SRRM4: variants seen among roughly 807,000 people sequenced by gnomAD.
The protein encoded by SRRM4 is serine/arginine repetitive matrix protein 4.
In SRRM4, 33 loss-of-function variants were observed where a neutral mutation model predicts 68.9. The observed-to-expected ratio is 0.48, with a 90% CI of 0.36 to 0.64. The LOEUF is 0.64. Among genes scored for constraint, SRRM4 ranks in the 30% least tolerant of loss-of-function variants. The probability of loss-of-function intolerance (pLI) is 0.00; values close to 1 mark genes in which losing one functional copy is unlikely to be tolerated. For synonymous variants in SRRM4, 318 were observed against 318.8 expected, an observed-to-expected ratio of 1.00 and a Z score of 0.03; for missense variants, 817 against 827.1, an observed-to-expected ratio of 0.99 and a Z score of 0.15.
chr12:119,084,994 G>A (rs1386540843), intron 1 of SRRM4, among the ~76,000 whole-genome samples: 1 of 152,208 alleles, frequency 6.6e-6, no homozygotes, highest in Non-Finnish European at 1.5e-5. Flanking sequence ...TTCGCCTCCT[G>A]GGTTCAAGCG....
chr12:119,057,166 G>T (rs1490898374), intron 1 of SRRM4, among the ~76,000 whole-genome samples: 3 of 152,174 alleles, frequency 2.0e-5, no homozygotes, highest in Non-Finnish European at 4.4e-5. Flanking sequence ...GGTGAAGAAA[G>T]AAATAGTTGG....
chr12:119,143,833 C>G (rs76095918), intron 8 of SRRM4, among the ~76,000 whole-genome samples: 1 of 152,148 alleles, frequency 6.6e-6, no homozygotes, highest in East Asian at 1.9e-4. Flanking sequence ...GTGGTTAAGG[C>G]GGGCAGCAGT....
chr12:119,018,251 C>T (rs879358272), intron 1 of SRRM4, among the ~76,000 whole-genome samples: 10 of 152,100 alleles, frequency 6.6e-5, no homozygotes, highest in Non-Finnish European at 1.3e-4. Context: ...GATTCTGAAA[C>T]GAGTAGGTGA....
chr12:119,011,712 G>C (rs1045863623), intron 1 of SRRM4, among the ~76,000 whole-genome samples: 3 of 152,230 alleles, frequency 2.0e-5, no homozygotes, highest in Non-Finnish European at 4.4e-5. Flanking sequence ...ACAGTGAAAG[G>C]AGGAGCATGT....
chr12:119,131,176 G>A lies in SRRM4; in HGVS notation c.771+342G>A, dbSNP rs544143592. 2.6e-5 allele frequency among the ~76,000 whole-genome samples: 4 copies of A among 152,320 alleles called. No homozygotes were observed. The South Asian group carries it at 8.3e-4, about 32-fold the overall frequency. ...TGTTTGTTTGTTTGTTTTTGGGAGAGAAAGGAAAAGAAGGGCTCTTTGACA... is the reference window on the plus strand; with the variant it reads ...TGTTTGTTTGTTTGTTTTTGGGAGAAAAAGGAAAAGAAGGGCTCTTTGACA... On this transcript the variant is annotated intron_variant, in intron 8 of 12. Transcript: ENST00000267260.
intron 1 of SRRM4, among the ~76,000 whole-genome samples, chr12:119,051,708 CAA>C (rs1953743632): frequency 6.6e-6 from 1 of 152,194 alleles, no homozygotes; most frequent in Admixed American, 6.5e-5. Flanking sequence ...CCTGCAGCAA[CAA>C]AGTCTGGTTT....
chr12:119,116,183 C>T (rs1042056146), intron 3 of SRRM4, among the ~76,000 whole-genome samples: 16 of 152,062 alleles, frequency 1.1e-4, no homozygotes, highest in African/African-American at 3.9e-4. Flanking sequence ...CTTTTGTCAG[C>T]GGGGAAATAA....
chr12:119,114,068 G>A (rs773517384), intron 2 of SRRM4: 8 of 439,704 alleles, frequency 1.8e-5, no homozygotes, highest in Admixed American at 6.6e-5. Context: ...TTTGGGTAAC[G>A]TACAACGTCT....
chr12:119,065,593 G>A (rs933677293), intron 1 of SRRM4, among the ~76,000 whole-genome samples: 5 of 152,094 alleles, frequency 3.3e-5, no homozygotes, highest in South Asian at 2.1e-4. Context: ...AAATTAGCCC[G>A]GCGTGGTGGC....
intron 1 of SRRM4, among the ~76,000 whole-genome samples, chr12:119,043,450 T>G (rs969533593): frequency 1.3e-5 from 2 of 152,162 alleles, no homozygotes; most frequent in Admixed American, 6.5e-5. Flanking sequence ...GCTTAATACC[T>G]AGGTGATGAG....
chr12:118,999,928 T>G (rs1402199792), intron 1 of SRRM4, among the ~76,000 whole-genome samples: 1 of 152,242 alleles, frequency 6.6e-6, no homozygotes, highest in Admixed American at 6.5e-5. Flanking sequence ...AGGCACTAAG[T>G]AGAAGAAGTA....
At chr12:119,086,547 T>C (rs79619930) in intron 1 of SRRM4, among the ~76,000 whole-genome samples, 11 of 152,156 alleles carry the variant, frequency 7.2e-5, no homozygotes, top group Non-Finnish European at 2.9e-5. Flanking sequence ...ACCAGAGTGG[T>C]TGATGTTTTG....
chr12:119,151,032 G>A lies in SRRM4; in HGVS notation c.1092G>A (p.Pro364=), dbSNP rs148793411. The part of the protein sequence containing the change: ...RGRESRGFQS[P]CLECAEVKKS... ...CCACCTGCAGGGGATTTCAGTCACCGTGTCTGGAATGTGCCGAAGTGAAGA... is the reference window on the plus strand; with the variant it reads ...CCACCTGCAGGGGATTTCAGTCACCATGTCTGGAATGTGCCGAAGTGAAGA... The change falls in exon 10 of 13, where the codon CCG becomes CCA. Residue 364 remains proline, a synonymous_variant. Coordinates refer to ENST00000267260, the MANE Select transcript of SRRM4 (RefSeq NM_194286.4). 1,591 of 1,613,974 alleles carry A rather than the reference G, an allele frequency of 9.9e-4. 16 individuals are homozygous for A. The East Asian group carries it at 0.018, about 19-fold the overall frequency.
intron 4 of SRRM4, among the ~76,000 whole-genome samples, chr12:119,119,257 A>T (rs552805913): frequency 3.3e-5 from 5 of 152,140 alleles, no homozygotes; most frequent in African/African-American, 7.2e-5. Flanking sequence ...TAAAATTTTT[A>T]AAAAATGATT....
intron 1 of SRRM4, among the ~76,000 whole-genome samples, chr12:119,013,058 T>C (rs1170018584): frequency 6.6e-6 from 1 of 152,182 alleles, no homozygotes; most frequent in Non-Finnish European, 1.5e-5. Context: ...TCTCCAGATA[T>C]GCCTTCACAG....
At chr12:119,020,127 C>T (rs968796600) in intron 1 of SRRM4, among the ~76,000 whole-genome samples, 2 of 151,928 alleles carry the variant, frequency 1.3e-5, no homozygotes, top group Non-Finnish European at 2.9e-5. Context: ...CATCCTCGTG[C>T]GCATCAAAAA....
rs1488557016 is a variant in SRRM4, at chr12:118,990,973, T to C, written c.131+8960T>C. Among the ~76,000 whole-genome samples, 4 of 152,164 alleles carry C rather than the reference T, an allele frequency of 2.6e-5. No individual in the cohort carries two copies. The East Asian group carries it at 7.7e-4, about 29-fold the overall frequency. On this transcript the variant is annotated intron_variant, in intron 1 of 12. Coordinates refer to ENST00000267260, the MANE Select transcript of SRRM4 (RefSeq NM_194286.4). Reference sequence around the variant, plus strand: ...TACCCACCCCGCACCCAGCTAATTTTTGTATTTTTTTAGTAGAGACAGGGT... The same window carrying C: ...TACCCACCCCGCACCCAGCTAATTTCTGTATTTTTTTAGTAGAGACAGGGT...
intron 8 of SRRM4, 44 bp downstream of exon 8, chr12:119,130,878 A>T: frequency 6.3e-7 from 1 of 1,579,146 alleles, no homozygotes; most frequent in Non-Finnish European, 8.6e-7. Flanking sequence ...TGGCCACGAC[A>T]CTTGGGGAAT....
At chr12:118,982,532 C>T (rs1331447567) in intron 1 of SRRM4, among the ~76,000 whole-genome samples, 1 of 152,164 alleles carries the variant, frequency 6.6e-6, no homozygotes, top group Non-Finnish European at 1.5e-5. Flanking sequence ...CAGCACCCTC[C>T]TCCACGCCTT....
Sources: gnomAD v4.1 joint callset for allele counts (sites outside exome capture counted in the v4.1 genomes callset) on GRCh38, gnomAD v4.1.1 for gene constraint, MANE v1.5 for transcripts, NCBI Gene and HGNC (gene_info 2026-07-23, HGNC 2026-07-21) for gene names.